PUS3: variants seen among roughly 807,000 people sequenced by gnomAD.
PUS3 encodes the protein tRNA pseudouridine(38/39) synthase.
In PUS3, 36 loss-of-function variants were observed where a neutral mutation model predicts 43.3. The observed-to-expected ratio is 0.83, with a 90% CI of 0.64 to 1.10. PUS3 has a LOEUF of 1.10. PUS3 is among the 50% of genes least tolerant of loss of function. The pLI is 0.00. For missense variants in PUS3, 544 were observed against 589.9 expected (o/e 0.92, Z 0.81); for synonymous variants, 183 against 199.2 (o/e 0.92, Z 0.69).
intron 1 of PUS3, chr11:125,899,208 A>G: frequency 1.6e-6 from 1 of 639,608 alleles, no homozygotes; most frequent in Non-Finnish European, 2.7e-6. Context: ...CTGTTCTGAT[A>G]CTACCCTGTA....
chr11:125,899,859 C>T, intron 1 of PUS3: 2 of 1,614,228 alleles, frequency 1.2e-6, no homozygotes, highest in East Asian at 2.2e-5. Context: ...CAAGGAATTT[C>T]TCAAGATCAG....
chr11:125,901,497 T>C (rs746985055), intron 1 of PUS3, among the ~76,000 whole-genome samples: 102 of 152,340 alleles, frequency 6.7e-4, no homozygotes, highest in Non-Finnish European at 3.5e-4. Context: ...TTGTCAGTTT[T>C]AACACCAGAG....
Position 125,900,064 on chromosome 11 carries a change from T to C in PUS3, c.-47+3106A>G. The C allele has an allele frequency of 1.2e-6, 2 of 1,614,128 alleles. No individual in the cohort carries two copies. Among genetic ancestry groups the C allele is most frequent in the Non-Finnish European group, 8.5e-7 (1 of 1,180,026 alleles). On this transcript the variant is annotated intron_variant, in intron 1 of 3. Coordinates refer to ENST00000227474, the MANE Select transcript of PUS3 (RefSeq NM_031307.4). ...ACTCAATACGTTTACCTGGTGAAGA[T>C]CATAGAAAGGAATTACGCTGGGGTG...
At chr11:125,900,952 A>G (rs1944754305) in intron 1 of PUS3, 1 of 149,502 alleles carries the variant, frequency 6.7e-6, no homozygotes, top group Admixed American at 6.7e-5. Flanking sequence ...CGGGGCCTGC[A>G]GTGAGCCGAG....
Position 125,902,643 on chromosome 11 carries a change from T to C in PUS3, c.-47+527A>G, listed in dbSNP as rs1393537564. Among the ~76,000 whole-genome samples, 16 of 149,560 alleles carry C rather than the reference T, an allele frequency of 1.1e-4. No individual in the cohort carries two copies. In the East Asian group the frequency reaches 2.6e-3, roughly 24 times the overall value. On this transcript the variant is annotated intron_variant, in intron 1 of 3. Transcript: ENST00000227474. ...GTCCTAATCTCAGGAACCAGTGGGT[T>C]AACACATAAATAGCATTCCTCTTGA...
At chr11:125,900,066 A>G in intron 1 of PUS3, 4 of 1,614,202 alleles carry the variant, frequency 2.5e-6, no homozygotes, top group African/African-American at 2.7e-5. Context: ...GGTGAAGATC[A>G]TAGAAAGGAA....
At chr11:125,900,436 A>T in intron 1 of PUS3, 1 of 644,790 alleles carries the variant, frequency 1.6e-6, no homozygotes, top group East Asian at 2.8e-5. Context: ...ATCAGATGAT[A>T]CTTCCAAATT....
At chr11:125,902,154 A>G (rs1386805459) in intron 1 of PUS3, among the ~76,000 whole-genome samples, 2 of 152,156 alleles carry the variant, frequency 1.3e-5, no homozygotes, top group African/African-American at 4.8e-5. Flanking sequence ...TTTCCAGCAC[A>G]CCTTACCCTA....
chr11:125,899,789 C>G, intron 1 of PUS3: 1 of 1,614,128 alleles, frequency 6.2e-7, no homozygotes, highest in Non-Finnish European at 8.5e-7. Context: ...TGTACAGTTC[C>G]AGGAAGACAA....
At chr11:125,894,903 A>G (rs1944527367) in intron 3 of PUS3, among the ~76,000 whole-genome samples, 1 of 152,200 alleles carries the variant, frequency 6.6e-6, no homozygotes, top group African/African-American at 2.4e-5. Context: ...CTCTTTACTC[A>G]TGGGATAGAA....
intron 1 of PUS3, 70 bp downstream of exon 1, chr11:125,903,100 G>T: frequency 1.4e-6 from 1 of 720,496 alleles, no homozygotes; most frequent in South Asian, 6.2e-5. Flanking sequence ...CAACCGTTCA[G>T]CAGTGTGTCC....
intron 1 of PUS3, among the ~76,000 whole-genome samples, chr11:125,897,522 T>TAAA (rs367854387): frequency 6.8e-6 from 1 of 147,250 alleles, no homozygotes; most frequent in Non-Finnish European, 1.5e-5. Flanking sequence ...AATGAAAAAG[T>TAAA]AAAAAAAAAA....
chr11:125,893,563 C>A lies in PUS3; in HGVS notation c.*222G>T, dbSNP rs995108106. 14 of 415,148 alleles carry A rather than the reference C, an allele frequency of 3.4e-5. No individual in the cohort carries two copies. In the East Asian group the frequency reaches 5.1e-4, roughly 15 times the overall value. The allele number at this position is 415,148 out of a possible 1,614,324, so 25.7% of individuals were successfully genotyped here. On this transcript the variant is annotated 3_prime_UTR_variant, in exon 4 of 4. Transcript: ENST00000227474. Reference sequence around the variant, plus strand: ...TGTATGTAAATACATCTCCATTTTACGTTCTTTAATCGCTTAATCCTTTTG... The same window carrying A: ...TGTATGTAAATACATCTCCATTTTAAGTTCTTTAATCGCTTAATCCTTTTG...
Position 125,895,167 on chromosome 11 carries a change from C to T in PUS3, c.944+57G>A, listed in dbSNP as rs558360094. On this transcript the variant is annotated intron_variant, in intron 3 of 3. Transcript: ENST00000227474. ...CTTCAAGCAATTCTTGTGCCTCAAG[C>T]GTCCCGAGTAGCTGGGACTACAGGC... 31 of 1,397,194 alleles carry T rather than the reference C, an allele frequency of 2.2e-5. No homozygotes were observed. In the East Asian group the frequency reaches 2.3e-4, roughly 10 times the overall value. The allele number at this position is 1,397,194 out of a possible 1,614,324, so 86.5% of individuals were successfully genotyped here. A position where few individuals can be genotyped will look rare whatever the true frequency, so the allele number is the denominator to read the frequency against.
chr11:125,902,601 A>T (rs1470567811), intron 1 of PUS3, among the ~76,000 whole-genome samples: 5 of 148,224 alleles, frequency 3.4e-5, no homozygotes, highest in Admixed American at 3.3e-4. Context: ...GACAGTCTTA[A>T]AAAAAAAAAA....
In PUS3 at chr11:125,893,667, T is replaced by C. The variant is rs990844271; in HGVS notation, c.*118A>G. On this transcript the variant is annotated 3_prime_UTR_variant, in exon 4 of 4. Coordinates refer to ENST00000227474, the MANE Select transcript of PUS3 (RefSeq NM_031307.4). ...TAGGGCTTTAGTCTTTTTGCTTTTT[T>C]TTTTCTTTTAAGAGCTGATCATCTG... 4 of 823,680 alleles carry C rather than the reference T, an allele frequency of 4.9e-6. No homozygotes were observed. The highest frequency in any genetic ancestry group is 2.3e-5 in the African/African-American group (1 of 44,412). 51.0% of individuals were successfully genotyped at this position (823,680 alleles called of 1,614,324 possible).
Position 125,896,295 on chromosome 11 carries a change from C to T in PUS3, c.-11G>A, listed in dbSNP as rs943047262. 6.3e-7 allele frequency: 1 copy of T among 1,597,976 alleles called. No homozygotes were observed. The highest frequency in any genetic ancestry group is 1.3e-5 in the African/African-American group (1 of 74,512). On this transcript the variant is annotated 5_prime_UTR_variant, in exon 2 of 4. Coordinates refer to ENST00000227474, the MANE Select transcript of PUS3 (RefSeq NM_031307.4). ...GTCATTATAAGCCATGATATGACAA[C>T]CCCAGGAATAAACGAACCATACAGG...
In PUS3 at chr11:125,896,128, G is replaced by T. The variant is rs200048493; in HGVS notation, c.157C>A (p.Arg53Ser). Residue 53 changes from arginine to serine, a missense_variant, in exon 2 of 4, where the codon CGT becomes AGT. By Grantham distance (110) the Arg-to-Ser change is moderately radical. Coordinates refer to ENST00000227474, the MANE Select transcript of PUS3 (RefSeq NM_031307.4). ...ENSAGAGKTK[R>S]AFDFSAHGRR... ...CCATGAGCACTGAAATCAAATGCAC[G>T]CTTAGTTTTTCCAGCTCCTGCTGAA... 1 of 1,614,002 alleles carries T rather than the reference G, an allele frequency of 6.2e-7. No homozygotes were observed. The highest frequency in any genetic ancestry group is 1.1e-5 in the South Asian group (1 of 91,088).
chr11:125,894,492 A>C (rs1345437785), intron 3 of PUS3, among the ~76,000 whole-genome samples: 2 of 152,172 alleles, frequency 1.3e-5, no homozygotes, highest in Non-Finnish European at 2.9e-5. Flanking sequence ...TCATAGATCA[A>C]CCTGATCTAT....
Sources: gnomAD v4.1 joint callset for allele counts (sites outside exome capture counted in the v4.1 genomes callset) on GRCh38, gnomAD v4.1.1 for gene constraint, MANE v1.5 for transcripts, NCBI Gene and HGNC (gene_info 2026-07-23, HGNC 2026-07-21) for gene names.